The following HIF1A variants were observed in gnomAD, a reference collection of about 807,000 sequenced individuals.
HIF1A encodes hypoxia-inducible factor 1-alpha.
A neutral mutation model predicts 92.7 loss-of-function variants in HIF1A; 24 were observed. The observed-to-expected ratio is 0.26, with a 90% CI of 0.19 to 0.36. The LOEUF is 0.36. Among genes scored for constraint, HIF1A ranks in the 10% least tolerant of loss-of-function variants. The pLI, the probability that HIF1A is intolerant of heterozygous loss-of-function variation, is 1.00. For synonymous variants in HIF1A, 319 were observed against 338.7 expected (o/e 0.94, Z 0.64); for missense variants, 799 against 998.5 (o/e 0.80, Z 2.69).
chr14:61,730,787 G>A (rs536227052), intron 6 of HIF1A, among the ~76,000 whole-genome samples: 13 of 152,172 alleles, frequency 8.5e-5, no homozygotes, highest in East Asian at 7.7e-4. Context: ...GAATAATGCC[G>A]GGCACACATA....
chr14:61,696,524 C>T (rs1020524620), intron 1 of HIF1A, among the ~76,000 whole-genome samples: 1 of 152,200 alleles, frequency 6.6e-6, no homozygotes, highest in Non-Finnish European at 1.5e-5. Context: ...CCTTGAAAAA[C>T]TTGCCTAGAC....
At chr14:61,727,004 T>C (rs571102257) in intron 5 of HIF1A, among the ~76,000 whole-genome samples, 186 bp downstream of exon 5, 1 of 152,324 alleles carries the variant, frequency 6.6e-6, no homozygotes, top group African/African-American at 2.4e-5. Flanking sequence ...ATTTGCCAAT[T>C]TGAGGCACAA....
Position 61,695,746 on chromosome 14 carries a change from T to G in HIF1A, c.-59T>G. The G allele has an allele frequency of 6.4e-7, 1 of 1,552,082 alleles. No homozygotes were observed. On this transcript the variant is annotated 5_prime_UTR_variant, in exon 1 of 15. Coordinates refer to ENST00000337138, the MANE Select transcript of HIF1A (RefSeq NM_001530.4). Reference sequence around the variant, plus strand: ...TCCGCGTGTGGAGGGAGCCAGCGCTTAGGCCGGAGCGAGCCTGGGGGCCGC... The same window carrying G: ...TCCGCGTGTGGAGGGAGCCAGCGCTGAGGCCGGAGCGAGCCTGGGGGCCGC...
Position 61,726,715 on chromosome 14 carries a change from A to G in HIF1A, c.467A>G (p.Lys156Arg), listed in dbSNP as rs1166117702. 1.9e-6 allele frequency: 3 copies of G among 1,592,558 alleles called. No homozygotes were observed. Among genetic ancestry groups the G allele is most frequent in the East Asian group, 2.3e-5 (1 of 44,242 alleles). ...EMLTHRNGLV[K>R]KGKEQNTQRS... The stretch of plus-strand genomic sequence containing the variant: ...TTCATGCTTTCATTAGGCCTTGTGA[A>G]AAAGGGTAAAGAACAAAACACACAG... Residue 156 changes from lysine (K) to arginine (R), a missense_variant, in exon 5 of 15, where the codon AAA becomes AGA. This residue lies in a region of HIF1A where 516 missense variants were observed against 721.0 expected (regional missense o/e 0.72). Transcript: ENST00000337138.
intron 1 of HIF1A, among the ~76,000 whole-genome samples, chr14:61,703,072 T>C (rs1200405316): frequency 6.6e-6 from 1 of 152,216 alleles, no homozygotes; most frequent in African/African-American, 2.4e-5. Flanking sequence ...TTACTGCCTT[T>C]TTATCAAACC....
intron 10 of HIF1A, chr14:61,740,133 CTTGGCTCACTGCAACCT>C (rs1165330811): frequency 7.1e-6 from 1 of 139,910 alleles, no homozygotes; most frequent in Non-Finnish European, 1.5e-5. Context: ...GTGGCATGAT[CTTGGCTCACTGCAACCT>C]CTGCCTCCCA....
chr14:61,741,992 T>C (rs918804598), intron 12 of HIF1A, among the ~76,000 whole-genome samples: 2 of 152,220 alleles, frequency 1.3e-5, no homozygotes, highest in African/African-American at 2.4e-5. Flanking sequence ...AATTTTATTA[T>C]AGTTAACTTG....
chr14:61,730,217 G>A (rs1021155782), intron 6 of HIF1A, among the ~76,000 whole-genome samples: 2 of 152,024 alleles, frequency 1.3e-5, no homozygotes, highest in African/African-American at 2.4e-5. Context: ...TGGACACCCC[G>A]ACCCTTTTGG....
intron 1 of HIF1A, among the ~76,000 whole-genome samples, chr14:61,704,247 CCTT>C (rs1158454362): frequency 6.6e-6 from 1 of 152,140 alleles, no homozygotes; most frequent in African/African-American, 2.4e-5. Flanking sequence ...ATCGCTCAAG[CCTT>C]CTTTGTGATA....
intron 4 of HIF1A, among the ~76,000 whole-genome samples, chr14:61,725,953 G>T (rs1220396001): frequency 5.3e-5 from 8 of 151,812 alleles, no homozygotes; most frequent in African/African-American, 1.9e-4. Context: ...CCAAGTAGCT[G>T]GGATTACAGG....
Position 61,727,518 on chromosome 14 carries a change from T to C in HIF1A, c.636T>C (p.Tyr212=). The change falls in exon 6 of 15, where the codon TAT becomes TAC. Residue 212 remains tyrosine (Y), a synonymous_variant. Transcript: ENST00000337138. ...ACAGTAACCAACCTCAGTGTGGGTA[T>C]AAGAAACCACCTATGACCTGCTTGG... ...DTNSNQPQCG[Y]KKPPMTCLVL... is the part of the protein sequence containing the mutation. The C allele has an allele frequency of 6.2e-7, 1 of 1,613,960 alleles. No homozygotes were observed. The highest frequency in any genetic ancestry group is 8.5e-7 in the Non-Finnish European group (1 of 1,179,886).
At position 61,747,124 on chromosome 14, in the gene HIF1A, GGCTCATTACCTAAA is replaced by G; in HGVS notation, c.*42_*55del. 1 of 1,564,998 alleles carries G rather than the reference GGCTCATTACCTAAA, an allele frequency of 6.4e-7. No individual in the cohort carries two copies. The highest frequency in any genetic ancestry group is 8.7e-7 in the Non-Finnish European group (1 of 1,151,430). On this transcript the variant is annotated 3_prime_UTR_variant, in exon 15 of 15. Coordinates refer to ENST00000337138, the MANE Select transcript of HIF1A (RefSeq NM_001530.4). ...TTCATTCCTTTTTTTGGACACTGGT[GGCTCATTACCTAAA>G]GCAGTCTATTTATATTTTCTACATC... is the stretch of plus-strand genomic sequence containing the variant.
At chr14:61,740,256 G>A (rs546210809) in intron 10 of HIF1A, 10 of 211,854 alleles carry the variant, frequency 4.7e-5, no homozygotes, top group African/African-American at 4.6e-5. Flanking sequence ...TAGTAGAGAC[G>A]AGGTTTCACC....
At chr14:61,746,318 A>G (rs1272310382) in intron 14 of HIF1A, among the ~76,000 whole-genome samples, 1 of 148,256 alleles carries the variant, frequency 6.7e-6, no homozygotes, top group Non-Finnish European at 1.5e-5. Flanking sequence ...ATTTTTAGTA[A>G]TTTTCTTTGA....
chr14:61,702,686 A>G (rs890472092), intron 1 of HIF1A, among the ~76,000 whole-genome samples: 1 of 152,182 alleles, frequency 6.6e-6, no homozygotes, highest in South Asian at 2.1e-4. Context: ...TGTGTTTACA[A>G]TCATTTGATC....
In HIF1A at chr14:61,727,434, CT is replaced by C. The variant is rs2044520338; in HGVS notation, c.571-16del. ...GCATTGTAAATATTTTTTTTAACTGCTTTGTTCTTCATACACAGGTATTGCA... is the reference window on the plus strand; with the variant it reads ...GCATTGTAAATATTTTTTTTAACTGCTTGTTCTTCATACACAGGTATTGCA... On this transcript the variant is annotated intron_variant, in intron 5 of 14. Coordinates refer to ENST00000337138, the MANE Select transcript of HIF1A (RefSeq NM_001530.4). The C allele has an allele frequency of 3.8e-6, 6 of 1,575,256 alleles. No homozygotes were observed. Among genetic ancestry groups the C allele is most frequent in the Non-Finnish European group, 5.2e-6 (6 of 1,146,816 alleles).
Position 61,720,551 on chromosome 14 carries a change from G to A in HIF1A, c.205G>A (p.Val69Met). 1 of 1,605,468 alleles carries A rather than the reference G, an allele frequency of 6.2e-7. No homozygotes were observed. The highest frequency in any genetic ancestry group is 8.5e-7 in the Non-Finnish European group (1 of 1,176,740). The change falls in exon 2 of 15, where the codon GTG becomes ATG. Residue 69 changes from valine (V) to methionine (M), a missense_variant. Around this residue, in one of 2 missense-constraint regions of HIF1A, gnomAD observed 516 missense variants for 721.0 expected, o/e 0.72. Coordinates refer to ENST00000337138, the MANE Select transcript of HIF1A (RefSeq NM_001530.4). ...VMRLTISYLRVRKLLDAGDLD... is the reference protein window; with the variant it reads ...VMRLTISYLRMRKLLDAGDLD... ...GAGGCTTACCATCAGCTATTTGCGT[G>A]TGAGGAAACTTCTGGATGCTGGTGA...
intron 6 of HIF1A, among the ~76,000 whole-genome samples, chr14:61,731,473 A>T (rs953889714): frequency 2.0e-5 from 3 of 152,252 alleles, no homozygotes; most frequent in African/African-American, 7.2e-5. Flanking sequence ...TTCATTTGAA[A>T]TATTGTTTTA....
rs1349993240 is a variant in HIF1A, at chr14:61,737,991, C to CA, written c.1250-95dup. On this transcript the variant is annotated intron_variant, in intron 9 of 14. Transcript: ENST00000337138. Reference sequence around the variant, plus strand: ...GCAGTGAGCCAAGATTGCGCCATTGCACTCCAGCCTGGGCAACAGAGCAAG... The same window carrying CA: ...GCAGTGAGCCAAGATTGCGCCATTGCAACTCCAGCCTGGGCAACAGAGCAAG... 4.0e-6 allele frequency: 4 copies of CA among 991,598 alleles called. No homozygotes were observed. The Admixed American group carries it at 1.1e-4, about 28-fold the overall frequency. 61.4% of individuals were successfully genotyped at this position (991,598 alleles called of 1,614,324 possible). A position where few individuals can be genotyped will look rare whatever the true frequency, so the allele number is the denominator to read the frequency against.
Sources: gnomAD v4.1 joint callset for allele counts (sites outside exome capture counted in the v4.1 genomes callset) on GRCh38, gnomAD v4.1.1 for gene constraint, gnomAD v4.1.1 regional missense constraint, MANE v1.5 for transcripts, NCBI Gene and HGNC (gene_info 2026-07-23, HGNC 2026-07-21) for gene names.